The following RUNX2 variants were observed in gnomAD, a reference collection of about 807,000 sequenced individuals.
RUNX2 encodes the protein runt-related transcription factor 2.
Under a neutral mutation model 51.7 loss-of-function variants are expected in RUNX2, and 10 were observed. The ratio of observed to expected loss-of-function variants is 0.19; its 90% CI spans 0.12 to 0.33. The LOEUF is 0.33. RUNX2 is among the 10% of genes least tolerant of loss of function. RUNX2 has a pLI of 1.00. For synonymous variants in RUNX2, 276 were observed against 273.6 expected, an observed-to-expected ratio of 1.01 and a Z score of -0.09; for missense variants, 562 against 691.3, an observed-to-expected ratio of 0.81 and a Z score of 2.10.
intron 2 of RUNX2, among the ~76,000 whole-genome samples, chr6:45,357,666 AAACT>A (rs973490242): frequency 2.6e-5 from 4 of 152,154 alleles, no homozygotes; most frequent in African/African-American, 2.4e-5. Context: ...TGGTACATTT[AAACT>A]AACAAGTTTT....
At chr6:45,453,675 T>C (rs932092519) in intron 5 of RUNX2, among the ~76,000 whole-genome samples, 16 of 152,150 alleles carry the variant, frequency 1.1e-4, no homozygotes, top group Admixed American at 2.0e-4. Context: ...GATGGAGGCT[T>C]TTATGAAGGT....
intron 2 of RUNX2, among the ~76,000 whole-genome samples, chr6:45,341,412 A>C (rs892865973): frequency 5.3e-5 from 8 of 152,192 alleles, no homozygotes; most frequent in African/African-American, 1.9e-4. Context: ...ACCTATATTT[A>C]ACTTGATAGG....
intron 6 of RUNX2, among the ~76,000 whole-genome samples, chr6:45,492,722 A>G (rs1049181320): frequency 2.0e-5 from 3 of 152,210 alleles, no homozygotes; most frequent in African/African-American, 7.2e-5. Context: ...TCGGCATTAC[A>G]TTACAGACTA....
chr6:45,434,297 T>C (rs1278371539), intron 4 of RUNX2, among the ~76,000 whole-genome samples: 1 of 152,178 alleles, frequency 6.6e-6, no homozygotes, highest in Non-Finnish European at 1.5e-5. Flanking sequence ...TCTTCCAGCT[T>C]CCTCTTTGAT....
At chr6:45,384,868 T>A (rs534237570) in intron 2 of RUNX2, among the ~76,000 whole-genome samples, 4 of 151,980 alleles carry the variant, frequency 2.6e-5, no homozygotes, top group African/African-American at 9.6e-5. Context: ...ACCCTGTTAA[T>A]TTTTTAAAAA....
chr6:45,350,575 G>GA (rs1425626794), intron 2 of RUNX2, among the ~76,000 whole-genome samples: 1 of 152,154 alleles, frequency 6.6e-6, no homozygotes, highest in Non-Finnish European at 1.5e-5. Context: ...ACTAAATGTT[G>GA]AGAGTAGAAA....
At chr6:45,362,648 C>T (rs1336543535) in intron 2 of RUNX2, among the ~76,000 whole-genome samples, 2 of 152,088 alleles carry the variant, frequency 1.3e-5, no homozygotes, top group African/African-American at 2.4e-5. Context: ...TAACTTCAGA[C>T]TATAAATGAT....
At chr6:45,417,183 A>G (rs1299209063) in intron 2 of RUNX2, among the ~76,000 whole-genome samples, 1 of 152,240 alleles carries the variant, frequency 6.6e-6, no homozygotes, top group Non-Finnish European at 1.5e-5. Context: ...AATTATTGGT[A>G]AGCTCATTGA....
chr6:45,364,761 TA>T (rs1794849156), intron 2 of RUNX2, among the ~76,000 whole-genome samples: 1 of 152,156 alleles, frequency 6.6e-6, no homozygotes. Flanking sequence ...TTATCAGAAC[TA>T]AAAACTAATT....
At chr6:45,405,498 A>G (rs894332253) in intron 2 of RUNX2, among the ~76,000 whole-genome samples, 18 of 152,180 alleles carry the variant, frequency 1.2e-4, no homozygotes, top group African/African-American at 3.9e-4. Context: ...TTAAAAATCA[A>G]CTATGGTAGG....
intron 2 of RUNX2, among the ~76,000 whole-genome samples, chr6:45,407,765 A>G (rs559172064): frequency 9.2e-5 from 14 of 152,002 alleles, no homozygotes; most frequent in African/African-American, 3.1e-4. Context: ...CTCCCAAAAT[A>G]CTGGGATTAT....
chr6:45,530,155 T>A (rs1193379872), intron 7 of RUNX2, among the ~76,000 whole-genome samples: 1 of 152,196 alleles, frequency 6.6e-6, no homozygotes. Context: ...CTTTACCACA[T>A]TCCCTGGTAC....
At chr6:45,368,968 GA>G (rs1324373948) in intron 2 of RUNX2, among the ~76,000 whole-genome samples, 6 of 150,938 alleles carry the variant, frequency 4.0e-5, no homozygotes, top group Non-Finnish European at 7.4e-5. Context: ...CTTCTGATGT[GA>G]AAAATAATAC....
chr6:45,378,449 A>T (rs1465137758), intron 2 of RUNX2, among the ~76,000 whole-genome samples: 1 of 152,218 alleles, frequency 6.6e-6, no homozygotes. Context: ...CGCTCCCCGC[A>T]GGGCCGCAGT....
rs939687678 is a variant in RUNX2, at chr6:45,372,060, T to C, written c.58+43276T>C. The C allele has an allele frequency of 1.9e-5, 18 of 958,302 alleles. No individual in the cohort carries two copies. In the Admixed American group the frequency reaches 3.7e-4, roughly 20 times the overall value. The allele number at this position is 958,302 out of a possible 1,614,324, so 59.4% of individuals were successfully genotyped here. A position where few individuals can be genotyped will look rare whatever the true frequency, so the allele number is the denominator to read the frequency against. On this transcript the variant is annotated intron_variant, in intron 2 of 8. Transcript: ENST00000647337. ...TTTATCATAACTAACCCAAAAGGCC[T>C]CCACAATGTGTATGTCACAGTGAAC...
chr6:45,471,140 A>AT (rs1480952288), intron 5 of RUNX2, among the ~76,000 whole-genome samples: 2 of 152,048 alleles, frequency 1.3e-5, no homozygotes, highest in African/African-American at 2.4e-5. Context: ...TTACTACTGC[A>AT]TTTTTTCCCA....
intron 2 of RUNX2, among the ~76,000 whole-genome samples, chr6:45,370,535 G>A (rs1400321404): frequency 6.6e-6 from 1 of 152,066 alleles, no homozygotes; most frequent in African/African-American, 2.4e-5. Flanking sequence ...CAAGATTTTT[G>A]TTAAGGATAA....
At chr6:45,430,925 T>C (rs1798525407) in intron 3 of RUNX2, among the ~76,000 whole-genome samples, 1 of 152,200 alleles carries the variant, frequency 6.6e-6, no homozygotes, top group African/African-American at 2.4e-5. Context: ...GAGTGTTTCA[T>C]ATATGACAGT....
intron 6 of RUNX2, among the ~76,000 whole-genome samples, chr6:45,497,535 T>A (rs1215972351): frequency 6.6e-6 from 1 of 152,228 alleles, no homozygotes; most frequent in Non-Finnish European, 1.5e-5. Context: ...ACACTCTTCC[T>A]TGTCTTGTTT....
Sources: allele counts gnomAD v4.1 joint callset (sites outside exome capture counted in the v4.1 genomes callset), GRCh38; gene constraint gnomAD v4.1.1; transcripts MANE v1.5; gene names NCBI Gene and HGNC (gene_info 2026-07-23, HGNC 2026-07-21).